Variants in GABRB3 observed in about 807,000 individuals in gnomAD.
GABRB3 encodes gamma-aminobutyric acid type A receptor subunit beta3, also known as gamma-aminobutyric acid receptor subunit beta-3.
In GABRB3, 14 loss-of-function variants were observed where a neutral mutation model predicts 52.1. That is an observed-to-expected ratio of 0.27 (90% CI 0.18 to 0.42). The LOEUF (loss-of-function observed/expected upper bound fraction) is 0.42. Among genes scored for constraint, GABRB3 ranks in the 10% least tolerant of loss-of-function variants. The pLI, the probability that GABRB3 is intolerant of heterozygous loss-of-function variation, is 1.00. For synonymous variants in GABRB3, 260 were observed against 232.3 expected, an observed-to-expected ratio of 1.12 and a Z score of -1.08; for missense variants, 307 against 609.1, an observed-to-expected ratio of 0.50 and a Z score of 5.22.
Position 26,621,046 on chromosome 15 carries a change from G to C in GABRB3, c.461+268C>G, listed in dbSNP as rs1294406470. ...ATGATATGGAAAATCCATCCTGAGGGAATCTGTGTTCTTAGACATGGCAAT... is the reference window on the plus strand; with the variant it reads ...ATGATATGGAAAATCCATCCTGAGGCAATCTGTGTTCTTAGACATGGCAAT... On this transcript the variant is annotated intron_variant, in intron 4 of 8. Transcript: ENST00000311550. The surrounding 1 kb of genome is among the most constrained non-coding windows in gnomAD (Gnocchi z 4.1). Among the ~76,000 whole-genome samples, 1 of 151,080 alleles carries C rather than the reference G, an allele frequency of 6.6e-6. No homozygotes were observed. Among genetic ancestry groups the C allele is most frequent in the Non-Finnish European group, 1.5e-5 (1 of 67,692 alleles).
intron 3 of GABRB3, chr15:26,772,153 G>T: frequency 2.4e-6 from 1 of 418,170 alleles, no homozygotes; most frequent in Non-Finnish European, 4.2e-6. Flanking sequence ...GGAGCACTAG[G>T]CCGGCCAGGA....
chr15:26,687,897 T>C (rs764367082), intron 3 of GABRB3, among the ~76,000 whole-genome samples: 5 of 152,210 alleles, frequency 3.3e-5, no homozygotes, highest in Non-Finnish European at 7.4e-5. Flanking sequence ...AAACACCTAT[T>C]ATTTTAATTG....
intron 8 of GABRB3, among the ~76,000 whole-genome samples, chr15:26,550,468 T>A (rs1889416364): frequency 6.6e-6 from 1 of 152,138 alleles, no homozygotes; most frequent in Non-Finnish European, 1.5e-5. Flanking sequence ...TTAGAATGGC[T>A]ACTATCAAAA....
At chr15:26,689,546 G>A (rs566889839) in intron 3 of GABRB3, among the ~76,000 whole-genome samples, 3 of 152,200 alleles carry the variant, frequency 2.0e-5, no homozygotes, top group South Asian at 2.1e-4. Context: ...CTCATTACAC[G>A]TCATGCCTCT....
At chr15:26,749,153 G>A (rs973429084) in intron 3 of GABRB3, among the ~76,000 whole-genome samples, 4 of 150,398 alleles carry the variant, frequency 2.7e-5, no homozygotes, top group Admixed American at 1.3e-4. Flanking sequence ...TTTTTTAATC[G>A]TTCAGTGCTA....
chr15:26,597,322 G>GAGGGA (rs2066529549), intron 4 of GABRB3, among the ~76,000 whole-genome samples: 1 of 152,154 alleles, frequency 6.6e-6, no homozygotes. Context: ...GATGTTAAAT[G>GAGGGA]ACAAAGAGGG....
intron 3 of GABRB3, among the ~76,000 whole-genome samples, chr15:26,712,718 A>AG (rs1889338186): frequency 6.6e-6 from 1 of 151,938 alleles, no homozygotes; most frequent in African/African-American, 2.4e-5. Flanking sequence ...AAAGGCGAGG[A>AG]GGGGGAGAGA....
Position 26,621,581 on chromosome 15 carries a change from G to A in GABRB3, c.241-47C>T. 1.3e-6 allele frequency: 2 copies of A among 1,507,636 alleles called. No individual in the cohort carries two copies. Among genetic ancestry groups the A allele is most frequent in the Non-Finnish European group, 1.8e-6 (2 of 1,089,246 alleles). 93.4% of individuals were successfully genotyped at this position (1,507,636 alleles called of 1,614,324 possible). A position where few individuals can be genotyped will look rare whatever the true frequency, so the allele number is the denominator to read the frequency against. The stretch of plus-strand genomic sequence containing the variant: ...GAAAGTTAGTTTGTACCCAGCCACA[G>A]GTGTATTTCCTCCACGACCAGCCAA... On this transcript the variant is annotated intron_variant, in intron 3 of 8. Coordinates refer to ENST00000311550, the MANE Select transcript of GABRB3 (RefSeq NM_000814.6). The surrounding 1 kb of genome is among the most constrained non-coding windows in gnomAD (Gnocchi z 4.1).
intron 3 of GABRB3, among the ~76,000 whole-genome samples, chr15:26,674,400 CAAAAAAAAAAAAAAA>C (rs55723767): frequency 1.2e-5 from 1 of 86,788 alleles, no homozygotes; most frequent in Non-Finnish European, 2.1e-5. Flanking sequence ...GACTCAGTTT[CAAAAAAAAAAAAAAA>C]AAAAAAGAAA....
At chr15:26,700,929 C>T (rs1479516641) in intron 3 of GABRB3, among the ~76,000 whole-genome samples, 2 of 152,112 alleles carry the variant, frequency 1.3e-5, no homozygotes, top group Non-Finnish European at 2.9e-5. Flanking sequence ...GTGGCGGGTG[C>T]CTGTAGTCCC....
chr15:26,578,093 C>A (rs1418719590), intron 6 of GABRB3, among the ~76,000 whole-genome samples: 5 of 152,182 alleles, frequency 3.3e-5, no homozygotes, highest in Admixed American at 2.6e-4. Flanking sequence ...AGCCTCTAAT[C>A]CCCTTTTTCG....
At chr15:26,627,557 T>C (rs898431977) in intron 3 of GABRB3, among the ~76,000 whole-genome samples, 8 of 151,704 alleles carry the variant, frequency 5.3e-5, no homozygotes, top group Non-Finnish European at 1.2e-4. Flanking sequence ...GTTTGGAAGA[T>C]GTGGATTCCA....
chr15:26,770,332 C>T (rs1482262091), intron 3 of GABRB3, among the ~76,000 whole-genome samples: 2 of 152,090 alleles, frequency 1.3e-5, no homozygotes, highest in African/African-American at 2.4e-5. Context: ...AAAAAAAATG[C>T]GTACAAGTAT....
Position 26,547,400 on chromosome 15 carries a change from G to C in GABRB3, c.*393C>G. 2.3e-6 allele frequency: 1 copy of C among 429,206 alleles called. No homozygotes were observed. Among genetic ancestry groups the C allele is most frequent in the South Asian group, 8.3e-5 (1 of 12,066 alleles). The allele number at this position is 429,206 out of a possible 1,614,324, so 26.6% of individuals were successfully genotyped here. ...CTTATGATAATACAAGACACATTTG[G>C]GGATGATATTGTGTTTCACGCCCTC... On this transcript the variant is annotated 3_prime_UTR_variant, in exon 9 of 9. Transcript: ENST00000311550.
At chr15:26,586,949 GT>G (rs1891014861) in intron 4 of GABRB3, among the ~76,000 whole-genome samples, 2 of 152,098 alleles carry the variant, frequency 1.3e-5, no homozygotes, top group African/African-American at 4.8e-5. Flanking sequence ...GGGAGAATAT[GT>G]TTTCTCTTTT....
intron 3 of GABRB3, among the ~76,000 whole-genome samples, chr15:26,713,151 G>T (rs775367277): frequency 1.3e-5 from 2 of 152,186 alleles, no homozygotes; most frequent in Non-Finnish European, 2.9e-5. Flanking sequence ...CCTGACTCTG[G>T]TTTGGGCAAC....
chr15:26,690,952 G>C (rs188839671), intron 3 of GABRB3, among the ~76,000 whole-genome samples: 15 of 151,776 alleles, frequency 9.9e-5, no homozygotes, highest in African/African-American at 3.4e-4. Flanking sequence ...TTGTTCTACA[G>C]ATCTCTTTCA....
At chr15:26,592,671 T>C (rs1039358014) in intron 4 of GABRB3, among the ~76,000 whole-genome samples, 1 of 152,188 alleles carries the variant, frequency 6.6e-6, no homozygotes, top group Non-Finnish European at 1.5e-5. Context: ...AGAATTAACA[T>C]GGCTGAAAAT....
At position 26,697,764 on chromosome 15, in the gene GABRB3, G is replaced by A. The variant is rs569714006; in HGVS notation, c.240+74638C>T. ...AAACATTTTTGAGGTCACTGAGCTG[G>A]TAAATCCTGCAAGCCCTCACTGAAG... On this transcript the variant is annotated intron_variant, in intron 3 of 8. Coordinates refer to ENST00000311550, the MANE Select transcript of GABRB3 (RefSeq NM_000814.6). 3.9e-4 allele frequency among the ~76,000 whole-genome samples: 59 copies of A among 152,142 alleles called. 1 individual carries two copies. The South Asian group carries it at 6.3e-3, about 16-fold the overall frequency.
Sources: gnomAD v4.1 joint callset for allele counts (sites outside exome capture counted in the v4.1 genomes callset) on GRCh38, gnomAD v4.1.1 for gene constraint, Gnocchi (gnomAD v3.1) non-coding constraint, MANE v1.5 for transcripts, NCBI Gene and HGNC (gene_info 2026-07-23, HGNC 2026-07-21) for gene names.